Variants in ZNF385B observed in about 807,000 individuals in gnomAD.
The protein encoded by ZNF385B is zinc finger protein 385B.
Under a neutral mutation model 39.2 loss-of-function variants are expected in ZNF385B, and 23 were observed. The ratio of observed to expected loss-of-function variants is 0.59; its 90% CI spans 0.42 to 0.83. ZNF385B has a LOEUF of 0.83. ZNF385B is among the 40% of genes least tolerant of loss of function. The pLI, the probability that ZNF385B is intolerant of heterozygous loss-of-function variation, is 0.00. For synonymous variants in ZNF385B, 205 were observed against 222.6 expected, an observed-to-expected ratio of 0.92 and a Z score of 0.70; for missense variants, 552 against 598.9, an observed-to-expected ratio of 0.92 and a Z score of 0.82.
At chr2:179,528,582 G>C (rs2059068410) in intron 4 of ZNF385B, among the ~76,000 whole-genome samples, 1 of 152,152 alleles carries the variant, frequency 6.6e-6, no homozygotes, top group South Asian at 2.1e-4. Flanking sequence ...AAGTAAAAAA[G>C]CTAAAAGCAA....
Position 179,752,666 on chromosome 2 carries a change from T to C in ZNF385B, c.298+16837A>G, listed in dbSNP as rs1220376087. Among the ~76,000 whole-genome samples, 10 of 152,296 alleles carry C rather than the reference T, an allele frequency of 6.6e-5. No homozygotes were observed. In the East Asian group the frequency reaches 1.7e-3, roughly 26 times the overall value. On this transcript the variant is annotated intron_variant, in intron 3 of 9. Coordinates refer to ENST00000410066, the MANE Select transcript of ZNF385B (RefSeq NM_152520.6). ...ATGGTATCTCATTGTGGTTTTGATT[T>C]GCATTTCTCTGATGTCCAGTGATGA... is the stretch of plus-strand genomic sequence containing the variant.
chr2:179,800,123 C>T (rs1419133539), intron 1 of ZNF385B, among the ~76,000 whole-genome samples: 1 of 151,974 alleles, frequency 6.6e-6, no homozygotes, highest in Non-Finnish European at 1.5e-5. Context: ...CAGATAAAAA[C>T]CCATTTCTGA....
At chr2:179,501,097 T>G (rs992353396) in intron 5 of ZNF385B, among the ~76,000 whole-genome samples, 6 of 152,098 alleles carry the variant, frequency 3.9e-5, no homozygotes, top group African/African-American at 9.7e-5. Flanking sequence ...CAATAAATGC[T>G]GGTAAGGATG....
intron 3 of ZNF385B, among the ~76,000 whole-genome samples, chr2:179,614,968 AT>A (rs1689610410): frequency 6.6e-6 from 1 of 152,210 alleles, no homozygotes; most frequent in Non-Finnish European, 1.5e-5. Flanking sequence ...AATGTCACAT[AT>A]TAGACTTCTG....
intron 6 of ZNF385B, among the ~76,000 whole-genome samples, chr2:179,453,343 C>T (rs1392565068): frequency 6.6e-6 from 1 of 152,030 alleles, no homozygotes; most frequent in East Asian, 1.9e-4. Flanking sequence ...CTCAGAAACC[C>T]CCAACACAGT....
At chr2:179,679,675 A>G (rs1697335250) in intron 3 of ZNF385B, among the ~76,000 whole-genome samples, 1 of 152,160 alleles carries the variant, frequency 6.6e-6, no homozygotes, top group East Asian at 1.9e-4. Context: ...TGGTTGGTGG[A>G]GATTCCTATG....
At chr2:179,643,359 A>G (rs1157718120) in intron 3 of ZNF385B, among the ~76,000 whole-genome samples, 1 of 152,186 alleles carries the variant, frequency 6.6e-6, no homozygotes, top group Non-Finnish European at 1.5e-5. Flanking sequence ...TTACAGTATC[A>G]AACATAGTTA....
chr2:179,502,146 A>C (rs1313974345), intron 5 of ZNF385B, among the ~76,000 whole-genome samples: 1 of 152,062 alleles, frequency 6.6e-6, no homozygotes. Flanking sequence ...CTGTACTTCC[A>C]CTGTATCTTA....
intron 4 of ZNF385B, among the ~76,000 whole-genome samples, chr2:179,527,643 G>A (rs956066657): frequency 1.3e-4 from 19 of 151,728 alleles, no homozygotes; most frequent in African/African-American, 4.1e-4. Flanking sequence ...CAGAGGTAAG[G>A]GTTTCATATC....
chr2:179,591,004 T>C (rs1481702761), intron 3 of ZNF385B, among the ~76,000 whole-genome samples: 2 of 152,068 alleles, frequency 1.3e-5, no homozygotes. Context: ...CCAACAGTCC[T>C]AGAAAGTTAA....
rs1448343705 is a variant in ZNF385B, at chr2:179,740,342, A to G, written c.298+29161T>C. On this transcript the variant is annotated intron_variant, in intron 3 of 9. Coordinates refer to ENST00000410066, the MANE Select transcript of ZNF385B (RefSeq NM_152520.6). ...ATGATTTGCTAAATGTCCCAGTGGC[A>G]TTTCAGAGTCCCTGGAAGAAGTCAG... is the stretch of plus-strand genomic sequence containing the variant. 2.0e-5 allele frequency among the ~76,000 whole-genome samples: 3 copies of G among 152,182 alleles called. No homozygotes were observed. In the East Asian group the frequency reaches 5.8e-4, roughly 29 times the overall value.
At chr2:179,841,365 C>T (rs1026363888) in intron 1 of ZNF385B, among the ~76,000 whole-genome samples, 2 of 152,228 alleles carry the variant, frequency 1.3e-5, no homozygotes, top group Non-Finnish European at 2.9e-5. Context: ...CAGCCCTGCA[C>T]TGAGCCCTGA....
chr2:179,655,921 G>C (rs1220733404), intron 3 of ZNF385B, among the ~76,000 whole-genome samples: 2 of 152,008 alleles, frequency 1.3e-5, no homozygotes, highest in Non-Finnish European at 2.9e-5. Context: ...TTAAAGAAAA[G>C]GTATTTCAAT....
chr2:179,750,449 A>G (rs139540002), intron 3 of ZNF385B, among the ~76,000 whole-genome samples: 1 of 152,302 alleles, frequency 6.6e-6, no homozygotes, highest in African/African-American at 2.4e-5. Flanking sequence ...TTAGAAAAGT[A>G]TATCAGTATT....
At chr2:179,782,766 C>T (rs1473550753) in intron 1 of ZNF385B, among the ~76,000 whole-genome samples, 1 of 151,954 alleles carries the variant, frequency 6.6e-6, no homozygotes, top group Non-Finnish European at 1.5e-5. Context: ...CTAGGAATAC[C>T]TTTAACCAGG....
intron 3 of ZNF385B, among the ~76,000 whole-genome samples, chr2:179,584,670 A>T (rs2106047750): frequency 6.6e-6 from 1 of 152,308 alleles, no homozygotes; most frequent in Admixed American, 6.5e-5. Flanking sequence ...CTACCGAGGA[A>T]TGCAGAGGAG....
At chr2:179,553,151 G>A (rs1190540517) in intron 3 of ZNF385B, among the ~76,000 whole-genome samples, 1 of 149,108 alleles carries the variant, frequency 6.7e-6, no homozygotes, top group African/African-American at 2.5e-5. Context: ...TGAGGGAGAA[G>A]CATTTTACCA....
intron 3 of ZNF385B, among the ~76,000 whole-genome samples, chr2:179,696,475 T>C (rs921964682): frequency 2.0e-5 from 3 of 151,932 alleles, no homozygotes; most frequent in East Asian, 1.9e-4. Flanking sequence ...CTAATAGCTA[T>C]ACTAATACTG....
chr2:179,555,178 T>C (rs1183611088), intron 3 of ZNF385B, among the ~76,000 whole-genome samples: 1 of 149,804 alleles, frequency 6.7e-6, no homozygotes, highest in Non-Finnish European at 1.5e-5. Flanking sequence ...CATTCTTACA[T>C]GCAACAACCA....
Sources: gnomAD v4.1 joint callset for allele counts (sites outside exome capture counted in the v4.1 genomes callset) on GRCh38, gnomAD v4.1.1 for gene constraint, MANE v1.5 for transcripts, NCBI Gene and HGNC (gene_info 2026-07-23, HGNC 2026-07-21) for gene names.